Variants in KCNIP4 observed in about 807,000 individuals in gnomAD.
KCNIP4 encodes potassium voltage-gated channel interacting protein 4.
Under a neutral mutation model 34.0 loss-of-function variants are expected in KCNIP4, and 12 were observed. The observed-to-expected ratio is 0.35, with a 90% CI of 0.23 to 0.57. The LOEUF (loss-of-function observed/expected upper bound fraction) is 0.57. KCNIP4 is among the 20% of genes least tolerant of loss of function. The pLI, the probability that KCNIP4 is intolerant of heterozygous loss-of-function variation, is 0.83. For missense variants in KCNIP4, 238 were observed against 311.7 expected (o/e 0.76, Z 1.78); for synonymous variants, 124 against 102.2 (o/e 1.21, Z -1.29).
intron 1 of KCNIP4, among the ~76,000 whole-genome samples, chr4:21,685,281 G>T (rs781329763): frequency 6.6e-6 from 1 of 152,270 alleles, no homozygotes; most frequent in African/African-American, 2.4e-5. Flanking sequence ...GTTTGAATGA[G>T]TACTGATTCC....
intron 1 of KCNIP4, among the ~76,000 whole-genome samples, chr4:21,153,515 G>GTGTATATATATA (rs1434833588): frequency 7.1e-6 from 1 of 140,906 alleles, no homozygotes; most frequent in East Asian, 2.1e-4. Context: ...ATGTGTGTGT[G>GTGTATATATATA]TATATATATA....
At position 21,234,141 on chromosome 4, in the gene KCNIP4, T is replaced by TATATAAC. The variant is rs1759072377; in HGVS notation, c.62-351433_62-351432insGTTATAT. 1.9e-5 allele frequency among the ~76,000 whole-genome samples: 2 copies of TATATAAC among 106,972 alleles called. 1 individual carries two copies. Among genetic ancestry groups the TATATAAC allele is most frequent in the African/African-American group, 1.0e-4 (2 of 19,836 alleles). The allele number at this position is 106,972 out of a possible 152,430, so 70.2% of individuals were successfully genotyped here. A position where few individuals can be genotyped will look rare whatever the true frequency, so the allele number is the denominator to read the frequency against. ...TATATATAACATATATAACGTATATTATATATAACATATATAACGTATATT... is the reference window on the plus strand; with the variant it reads ...TATATATAACATATATAACGTATATTATATAACATATATAACATATATAACGTATATT... On this transcript the variant is annotated intron_variant, in intron 1 of 8. Transcript: ENST00000382152.
intron 1 of KCNIP4, among the ~76,000 whole-genome samples, chr4:21,506,983 T>C (rs1733900709): frequency 6.6e-6 from 1 of 151,746 alleles, no homozygotes; most frequent in Non-Finnish European, 1.5e-5. Flanking sequence ...AGATGGAGTC[T>C]CACTATGTTG....
intron 3 of KCNIP4, among the ~76,000 whole-genome samples, chr4:20,785,204 T>C (rs1711796745): frequency 6.6e-6 from 1 of 152,146 alleles, no homozygotes; most frequent in African/African-American, 2.4e-5. Context: ...GAAAGACAAG[T>C]ACCAGTCTAT....
intron 1 of KCNIP4, among the ~76,000 whole-genome samples, chr4:21,622,623 TAAAG>T (rs1214548604): frequency 2.6e-5 from 4 of 152,164 alleles, no homozygotes; most frequent in Non-Finnish European, 4.4e-5. Flanking sequence ...CTTCTGCATA[TAAAG>T]AAAGACATAT....
At chr4:20,905,580 C>T (rs1349246160) in intron 1 of KCNIP4, among the ~76,000 whole-genome samples, 6 of 131,682 alleles carry the variant, frequency 4.6e-5, no homozygotes, top group East Asian at 2.4e-4. Context: ...GGTGCAATCT[C>T]GGCTCACTGC....
intron 1 of KCNIP4, among the ~76,000 whole-genome samples, chr4:21,195,152 C>T (rs1755965263): frequency 6.6e-6 from 1 of 152,180 alleles, no homozygotes; most frequent in Admixed American, 6.5e-5. Context: ...TGTTCTCTCC[C>T]TCAAGGTCAT....
At chr4:21,562,332 T>C (rs1739541396) in intron 1 of KCNIP4, among the ~76,000 whole-genome samples, 1 of 152,022 alleles carries the variant, frequency 6.6e-6, no homozygotes, top group South Asian at 2.1e-4. Context: ...TAAGTGACTA[T>C]CATCAACATT....
intron 1 of KCNIP4, among the ~76,000 whole-genome samples, chr4:21,634,647 T>C (rs996043154): frequency 1.3e-5 from 2 of 152,182 alleles, no homozygotes; most frequent in African/African-American, 4.8e-5. Flanking sequence ...TATAAAGTTA[T>C]ACATTCAAAG....
chr4:21,789,880 A>G (rs1045795818), intron 1 of KCNIP4, among the ~76,000 whole-genome samples: 4 of 152,240 alleles, frequency 2.6e-5, no homozygotes, highest in Admixed American at 6.5e-5. Context: ...ATTACTTAAG[A>G]AAATGAACAT....
chr4:20,809,117 AC>A (rs1715423409), intron 3 of KCNIP4, among the ~76,000 whole-genome samples: 1 of 152,124 alleles, frequency 6.6e-6, no homozygotes, highest in Non-Finnish European at 1.5e-5. Flanking sequence ...GCTATCGGAG[AC>A]TTTCAGAGGT....
At chr4:21,918,397 C>A (rs1402902518) in intron 1 of KCNIP4, among the ~76,000 whole-genome samples, 1 of 152,138 alleles carries the variant, frequency 6.6e-6, no homozygotes, top group East Asian at 1.9e-4. Flanking sequence ...ACAACTAGTT[C>A]TTTCCATGCA....
chr4:20,968,084 G>GA (rs991644190), intron 1 of KCNIP4, among the ~76,000 whole-genome samples: 91 of 151,966 alleles, frequency 6.0e-4, no homozygotes, highest in African/African-American at 2.1e-3. Context: ...AAATTTACAA[G>GA]AAAAAAACAA....
At chr4:21,349,538 T>C (rs1006960634) in intron 1 of KCNIP4, among the ~76,000 whole-genome samples, 25 of 152,122 alleles carry the variant, frequency 1.6e-4, no homozygotes, top group African/African-American at 5.8e-4. Context: ...GTAGAGAAAA[T>C]TGAGATGAGG....
intron 1 of KCNIP4, among the ~76,000 whole-genome samples, chr4:21,901,893 T>A (rs868064214): frequency 3.9e-5 from 6 of 152,224 alleles, no homozygotes; most frequent in Middle Eastern, 3.4e-3. Flanking sequence ...CCCTCCCCGA[T>A]CCCATTGATC....
chr4:21,704,433 G>A (rs891661751), intron 1 of KCNIP4, among the ~76,000 whole-genome samples: 5 of 152,100 alleles, frequency 3.3e-5, no homozygotes, highest in Non-Finnish European at 7.4e-5. Context: ...AACATACAGA[G>A]TGAAAGTGAA....
At chr4:21,208,138 G>C (rs774835677) in intron 1 of KCNIP4, among the ~76,000 whole-genome samples, 1 of 151,944 alleles carries the variant, frequency 6.6e-6, no homozygotes, top group African/African-American at 2.4e-5. Flanking sequence ...CACTGCACCT[G>C]GCCTATATTT....
chr4:21,603,383 GAAGA>G (rs989464149), intron 1 of KCNIP4, among the ~76,000 whole-genome samples: 26 of 152,106 alleles, frequency 1.7e-4, no homozygotes, highest in African/African-American at 6.0e-4. Flanking sequence ...AGAGGAGAAA[GAAGA>G]AAGAAAGGAA....
intron 1 of KCNIP4, among the ~76,000 whole-genome samples, chr4:21,119,223 A>T (rs1319151186): frequency 6.6e-6 from 1 of 152,064 alleles, no homozygotes; most frequent in Non-Finnish European, 1.5e-5. Context: ...CTGACCAGGA[A>T]AGATGAGAAT....
Sources: allele counts gnomAD v4.1 joint callset (sites outside exome capture counted in the v4.1 genomes callset), GRCh38; gene constraint gnomAD v4.1.1; transcripts MANE v1.5; gene names NCBI Gene and HGNC (gene_info 2026-07-23, HGNC 2026-07-21).